The following HYCC2 variants were observed in gnomAD, a reference collection of about 807,000 sequenced individuals.
HYCC2 encodes the protein hyccin PI4KA lipid kinase complex subunit 2.
chr2:200,981,845 C>G, the HYCC2 span: 1 of 1,611,662 alleles, frequency 6.2e-7, no homozygotes. This position sits in a 1 kb window ranked among gnomAD's most constrained non-coding sequence, Gnocchi z 4.5. Context: ...TTTACAGACT[C>G]CTCTCCTCCA....
At chr2:200,993,221 C>T in the HYCC2 span, among the ~76,000 whole-genome samples, 2 of 152,218 alleles carry the variant, frequency 1.3e-5, no homozygotes, top group African/African-American at 4.8e-5. Flanking sequence ...TCATAAAGCA[C>T]TCATTCTAGT....
the HYCC2 span, among the ~76,000 whole-genome samples, chr2:201,010,927 A>G: frequency 6.6e-6 from 1 of 151,934 alleles, no homozygotes; most frequent in African/African-American, 2.4e-5. Flanking sequence ...CGGGCGGATC[A>G]CAAGGTCAGG....
chr2:200,991,577 A>G, the HYCC2 span, among the ~76,000 whole-genome samples: 1 of 151,534 alleles, frequency 6.6e-6, no homozygotes. Flanking sequence ...TCAAAAAAAA[A>G]AAAAAGAAAA....
chr2:201,037,315 C>T, the HYCC2 span, among the ~76,000 whole-genome samples: 1 of 152,138 alleles, frequency 6.6e-6, no homozygotes, highest in Admixed American at 6.5e-5. Context: ...GGCCATACTG[C>T]CCAAGGTAAT....
chr2:201,069,543 AACACACACACACACACACACACAC>A, the HYCC2 span, among the ~76,000 whole-genome samples: 519 of 143,742 alleles, frequency 3.6e-3, 3 homozygotes, highest in South Asian at 0.012. Flanking sequence ...CATAAGAAGA[AACACACACACACACACACACACAC>A]ACACACACAC....
the HYCC2 span, among the ~76,000 whole-genome samples, chr2:201,040,455 TTTTG>T: frequency 4.0e-5 from 6 of 150,886 alleles, no homozygotes; most frequent in Non-Finnish European, 7.4e-5. Flanking sequence ...TTGTTATTGC[TTTTG>T]TTTTTTTTTT....
the HYCC2 span, among the ~76,000 whole-genome samples, chr2:201,038,718 G>C: frequency 2.6e-5 from 4 of 152,012 alleles, no homozygotes; most frequent in Non-Finnish European, 4.4e-5. Flanking sequence ...CACAGGAAGG[G>C]GAACATCACA....
At chr2:201,009,031 T>A in the HYCC2 span, 4 of 1,613,936 alleles carry the variant, frequency 2.5e-6, no homozygotes, top group African/African-American at 1.3e-5. Flanking sequence ...ACAACTCTGA[T>A]GAGATCATGC....
the HYCC2 span, among the ~76,000 whole-genome samples, chr2:201,066,117 G>T: frequency 1.4e-5 from 2 of 147,594 alleles, no homozygotes; most frequent in African/African-American, 5.0e-5. Flanking sequence ...TCACTTCATC[G>T]CCCAGGCTGG....
chr2:201,035,407 T>C, the HYCC2 span, among the ~76,000 whole-genome samples: 1,102 of 152,342 alleles, frequency 7.2e-3, 16 homozygotes, highest in African/African-American at 0.025. Flanking sequence ...CTACTGAGGC[T>C]TGTGCATTCG....
chr2:201,008,047 A>C, the HYCC2 span, among the ~76,000 whole-genome samples: 2 of 152,198 alleles, frequency 1.3e-5, no homozygotes, highest in Admixed American at 6.5e-5. Context: ...GTAATAAACC[A>C]TAACTGTGAG....
At chr2:201,015,170 T>C in the HYCC2 span, among the ~76,000 whole-genome samples, 1 of 152,324 alleles carries the variant, frequency 6.6e-6, no homozygotes, top group African/African-American at 2.4e-5. Flanking sequence ...TTTGCTTCCT[T>C]GCACTGCGCA....
At chr2:201,035,417 G>A in the HYCC2 span, among the ~76,000 whole-genome samples, 12,407 of 151,946 alleles carry the variant, frequency 0.082, 615 homozygotes, top group African/African-American at 0.12. Flanking sequence ...TTGTGCATTC[G>A]TCACGTCGTT....
At chr2:201,047,465 T>TATATATATATATATAC in the HYCC2 span, among the ~76,000 whole-genome samples, 47 of 148,878 alleles carry the variant, frequency 3.2e-4, no homozygotes, top group African/African-American at 1.0e-3. Flanking sequence ...TATATATATA[T>TATATATATATATATAC]ACACACACAC....
chr2:201,010,866 G>A, the HYCC2 span, among the ~76,000 whole-genome samples: 1 of 151,968 alleles, frequency 6.6e-6, no homozygotes, highest in Non-Finnish European at 1.5e-5. Flanking sequence ...TGATGGTAGA[G>A]TCAGGCGTGG....
At chr2:201,057,141 A>G in the HYCC2 span, among the ~76,000 whole-genome samples, 1 of 152,194 alleles carries the variant, frequency 6.6e-6, no homozygotes, top group African/African-American at 2.4e-5. Flanking sequence ...GTGACCTGAC[A>G]TACTTTCAAG....
the HYCC2 span, among the ~76,000 whole-genome samples, chr2:201,020,560 G>A: frequency 6.6e-6 from 1 of 152,148 alleles, no homozygotes; most frequent in East Asian, 1.9e-4. Flanking sequence ...CCACTCATCA[G>A]GGAAAGAAAA....
At chr2:200,982,566 G>C in the HYCC2 span, among the ~76,000 whole-genome samples, 1 of 152,078 alleles carries the variant, frequency 6.6e-6, no homozygotes, top group Admixed American at 6.6e-5. Flanking sequence ...GAAAATATCA[G>C]AGAGCAGTGG....
chr2:201,052,671 A>G, the HYCC2 span, among the ~76,000 whole-genome samples: 1 of 152,228 alleles, frequency 6.6e-6, no homozygotes, highest in Non-Finnish European at 1.5e-5. Context: ...CTGGGCACAG[A>G]CAGTAAAGAA....
Sources: allele counts gnomAD v4.1 joint callset (sites outside exome capture counted in the v4.1 genomes callset), GRCh38; gene constraint gnomAD v4.1.1; non-coding constraint Gnocchi (gnomAD v3.1); transcripts MANE v1.5; gene names NCBI Gene and HGNC (gene_info 2026-07-23, HGNC 2026-07-21).